DAB1: variants seen among roughly 807,000 people sequenced by gnomAD.
DAB1 encodes the protein DAB adaptor protein 1, also known as disabled homolog 1.
In DAB1, 15 loss-of-function variants were observed where a neutral mutation model predicts 64.6. The ratio of observed to expected loss-of-function variants is 0.23; its 90% CI spans 0.16 to 0.36. The LOEUF (loss-of-function observed/expected upper bound fraction) is 0.36. DAB1 is among the 10% of genes least tolerant of loss of function. The pLI is 1.00. For missense variants in DAB1, 596 were observed against 706.7 expected, an observed-to-expected ratio of 0.84 and a Z score of 1.78; for synonymous variants, 235 against 251.9, an observed-to-expected ratio of 0.93 and a Z score of 0.64.
chr1:57,874,058 C>T (rs1644001127), intron 1 of DAB1: 1 of 152,030 alleles, frequency 6.6e-6, no homozygotes, highest in African/African-American at 2.4e-5. Context: ...AATGAGTAAA[C>T]AAAGGTAGAT....
At chr1:57,369,904 C>T (rs1680362413) in intron 1 of DAB1, among the ~76,000 whole-genome samples, 1 of 152,174 alleles carries the variant, frequency 6.6e-6, no homozygotes, top group African/African-American at 2.4e-5. Context: ...CCAAGATCAT[C>T]CAGCTACGAA....
chr1:58,184,035 T>C (rs909464444), intron 4 of DAB1, among the ~76,000 whole-genome samples: 4 of 151,996 alleles, frequency 2.6e-5, no homozygotes, highest in East Asian at 1.9e-4. Flanking sequence ...TCTCTAGCTA[T>C]AGGGTTTCTA....
chr1:57,482,391 A>T (rs556113661), intron 7 of DAB1, among the ~76,000 whole-genome samples: 2 of 151,418 alleles, frequency 1.3e-5, no homozygotes, highest in South Asian at 4.2e-4. Context: ...AATATGCCCA[A>T]GTCATTACCT....
chr1:57,072,436 G>T, intron 4 of DAB1, 22 bp from the exon 5 acceptor site: 2 of 1,608,974 alleles, frequency 1.2e-6, no homozygotes, highest in African/African-American at 2.7e-5. Context: ...AAAAAAGGAA[G>T]AACATATTTC....
intron 5 of DAB1, among the ~76,000 whole-genome samples, chr1:58,116,334 G>A (rs1652332967): frequency 6.6e-6 from 1 of 152,206 alleles, no homozygotes; most frequent in South Asian, 2.1e-4. Flanking sequence ...TTCTTCTTAG[G>A]TGAGGAAAAG....
At chr1:58,206,418 T>C (rs1383732718) in intron 4 of DAB1, among the ~76,000 whole-genome samples, 1 of 152,238 alleles carries the variant, frequency 6.6e-6, no homozygotes, top group Non-Finnish European at 1.5e-5. Flanking sequence ...CTATTTTTTT[T>C]AAGGAATAGA....
chr1:58,203,379 A>G (rs1418922087), intron 4 of DAB1, among the ~76,000 whole-genome samples: 1 of 152,124 alleles, frequency 6.6e-6, no homozygotes, highest in Non-Finnish European at 1.5e-5. Context: ...ACACCCTCAT[A>G]TTTCTCCTTT....
chr1:57,470,947 A>G (rs980828065), intron 7 of DAB1, among the ~76,000 whole-genome samples: 1 of 152,232 alleles, frequency 6.6e-6, no homozygotes, highest in African/African-American at 2.4e-5. Flanking sequence ...GTAAATGAGG[A>G]GCAAGACAAT....
chr1:57,955,292 C>G (rs1385961522), intron 5 of DAB1, among the ~76,000 whole-genome samples: 4 of 152,106 alleles, frequency 2.6e-5, no homozygotes, highest in Non-Finnish European at 4.4e-5. Context: ...TCATAAACTT[C>G]CTGTGAAAAG....
At chr1:57,898,571 A>T (rs1644425367) in intron 5 of DAB1, among the ~76,000 whole-genome samples, 1 of 152,138 alleles carries the variant, frequency 6.6e-6, no homozygotes, top group African/African-American at 2.4e-5. Flanking sequence ...GGACCAAGGG[A>T]ACTTAATTAA....
At chr1:57,015,918 T>C (rs982961406) in intron 11 of DAB1, among the ~76,000 whole-genome samples, 3 of 152,174 alleles carry the variant, frequency 2.0e-5, no homozygotes, top group African/African-American at 7.2e-5. Flanking sequence ...TGAGTAAGAA[T>C]CTGAATGTTG....
chr1:57,240,880 T>A (rs1668446443), intron 2 of DAB1, among the ~76,000 whole-genome samples: 1 of 152,186 alleles, frequency 6.6e-6, no homozygotes, highest in Non-Finnish European at 1.5e-5. Flanking sequence ...CCTCTGGGAT[T>A]TACCCTTGTT....
chr1:57,804,211 A>T, intron 6 of DAB1, among the ~76,000 whole-genome samples: 1 of 152,184 alleles, frequency 6.6e-6, no homozygotes, highest in East Asian at 1.9e-4. Flanking sequence ...TGTGAGATTC[A>T]CGGTTGGGAG....
At chr1:58,089,495 G>A (rs751833630) in intron 5 of DAB1, among the ~76,000 whole-genome samples, 1 of 152,292 alleles carries the variant, frequency 6.6e-6, no homozygotes, top group East Asian at 1.9e-4. Context: ...AAGAAGGATG[G>A]ACCCTCAATA....
intron 5 of DAB1, among the ~76,000 whole-genome samples, chr1:57,889,088 C>T (rs1007285617): frequency 1.3e-5 from 2 of 152,166 alleles, no homozygotes; most frequent in African/African-American, 2.4e-5. Flanking sequence ...GGGTGAGTTT[C>T]CTTCCTTTCA....
In DAB1 at chr1:58,184,166, G is replaced by C. The variant is rs373422515; in HGVS notation, n.310-33578C>G. 7.0e-4 allele frequency among the ~76,000 whole-genome samples: 106 copies of C among 151,968 alleles called. No individual in the cohort carries two copies. In the South Asian group the frequency reaches 8.5e-3, roughly 12 times the overall value. Reference sequence around the variant, plus strand: ...GAACTGCCTGGGATTTAGATGGAAAGTCTTTCTTATTCTGTAATTCAGTAT... The same window carrying C: ...GAACTGCCTGGGATTTAGATGGAAACTCTTTCTTATTCTGTAATTCAGTAT... On this transcript the variant is annotated intron_variant and non_coding_transcript_variant, in intron 4 of 20. Coordinates refer to the DAB1 transcript ENST00000485760.
At chr1:57,999,794 A>C (rs79769628) in intron 5 of DAB1, among the ~76,000 whole-genome samples, 1 of 152,008 alleles carries the variant, frequency 6.6e-6, no homozygotes, top group Non-Finnish European at 1.5e-5. Context: ...GACAGTTAAA[A>C]GCAGGGAGGG....
At chr1:57,783,272 C>A (rs1306769645) in intron 6 of DAB1, among the ~76,000 whole-genome samples, 6 of 151,792 alleles carry the variant, frequency 4.0e-5, no homozygotes, top group African/African-American at 1.5e-4. Context: ...ACCACTCATG[C>A]CTAATTTTTT....
At chr1:58,186,502 A>G (rs1657083952) in intron 4 of DAB1, among the ~76,000 whole-genome samples, 1 of 152,250 alleles carries the variant, frequency 6.6e-6, no homozygotes, top group Non-Finnish European at 1.5e-5. Flanking sequence ...GACAAATGGT[A>G]GAAAATTATG....
Sources: gnomAD v4.1 joint callset for allele counts (sites outside exome capture counted in the v4.1 genomes callset) on GRCh38, gnomAD v4.1.1 for gene constraint, MANE v1.5 for transcripts, NCBI Gene and HGNC (gene_info 2026-07-23, HGNC 2026-07-21) for gene names.